The following SHISA9 variants were observed in gnomAD, a reference collection of about 807,000 sequenced individuals.
SHISA9 encodes shisa family member 9.
In SHISA9, 13 loss-of-function variants were observed where a neutral mutation model predicts 38.0. That is an observed-to-expected ratio of 0.34 (90% CI 0.22 to 0.54). The LOEUF (loss-of-function observed/expected upper bound fraction) is 0.54, where lower values mean the gene tolerates loss of function less well. Ranked by LOEUF, SHISA9 falls within the 20% of genes least tolerant of loss-of-function variation. The pLI, the probability that SHISA9 is intolerant of heterozygous loss-of-function variation, is 0.91. For synonymous variants in SHISA9, 275 were observed against 242.0 expected, an observed-to-expected ratio of 1.14 and a Z score of -1.27; for missense variants, 538 against 575.8, an observed-to-expected ratio of 0.93 and a Z score of 0.67.
At chr16:13,373,453 T>A in the SHISA9 span, among the ~76,000 whole-genome samples, 1 of 152,192 alleles carries the variant, frequency 6.6e-6, no homozygotes, top group Non-Finnish European at 1.5e-5. Context: ...GAGCCTTGGC[T>A]CGCTCATCCG....
At chr16:12,905,818 C>G (rs2071085349) in intron 1 of SHISA9, among the ~76,000 whole-genome samples, 1 of 152,070 alleles carries the variant, frequency 6.6e-6, no homozygotes, top group Non-Finnish European at 1.5e-5. Context: ...CCAGGCTGGT[C>G]TCGAACTCCT....
chr16:13,012,863 G>A (rs1251824678), intron 2 of SHISA9, among the ~76,000 whole-genome samples: 1 of 152,196 alleles, frequency 6.6e-6, no homozygotes, highest in Non-Finnish European at 1.5e-5. Flanking sequence ...AGACAGGGAG[G>A]AGAGACAACT....
chr16:12,925,197 A>G (rs2071378115), intron 2 of SHISA9, among the ~76,000 whole-genome samples: 3 of 151,978 alleles, frequency 2.0e-5, no homozygotes, highest in Admixed American at 2.0e-4. Context: ...CTAATGTTTC[A>G]ATGCAGATGA....
chr16:12,966,447 G>T (rs1392825935), intron 2 of SHISA9, among the ~76,000 whole-genome samples: 2 of 152,098 alleles, frequency 1.3e-5, no homozygotes, highest in Admixed American at 6.6e-5. Context: ...TAGAGACAGG[G>T]TCTCACCATG....
the SHISA9 span, among the ~76,000 whole-genome samples, chr16:13,452,405 G>A: frequency 9.2e-5 from 14 of 151,964 alleles, no homozygotes; most frequent in African/African-American, 1.9e-4. Context: ...TTGTTGCCAC[G>A]GTCCATATAC....
At chr16:13,196,396 CAAA>C (rs372256944) in intron 2 of SHISA9, among the ~76,000 whole-genome samples, 10 of 101,410 alleles carry the variant, frequency 9.9e-5, no homozygotes, top group Admixed American at 4.3e-4. Context: ...GACTCCGTCT[CAAA>C]AAAAAAAAAA....
the SHISA9 span, among the ~76,000 whole-genome samples, chr16:13,470,279 G>A: frequency 6.6e-6 from 1 of 152,252 alleles, no homozygotes; most frequent in South Asian, 2.1e-4. Context: ...TGCAATCCAA[G>A]GTAGAGAAAC....
the SHISA9 span, among the ~76,000 whole-genome samples, chr16:13,273,617 C>T: frequency 6.6e-6 from 1 of 152,144 alleles, no homozygotes; most frequent in Non-Finnish European, 1.5e-5. Context: ...GAAAATTGCC[C>T]AGTATTGGGT....
chr16:13,222,755 T>C (rs1381672000), intron 4 of SHISA9, among the ~76,000 whole-genome samples: 1 of 151,844 alleles, frequency 6.6e-6, no homozygotes, highest in Non-Finnish European at 1.5e-5. Context: ...CTTGTCTCGT[T>C]TACTTCTACA....
intron 2 of SHISA9, among the ~76,000 whole-genome samples, chr16:12,941,210 C>G (rs1032304909): frequency 6.6e-6 from 1 of 151,916 alleles, no homozygotes; most frequent in Non-Finnish European, 1.5e-5. Flanking sequence ...GAAAATTATC[C>G]AGGTGTGGTG....
the SHISA9 span, among the ~76,000 whole-genome samples, chr16:13,289,408 A>G: frequency 6.6e-6 from 1 of 151,986 alleles, no homozygotes; most frequent in African/African-American, 2.4e-5. Flanking sequence ...TGCTGATGGG[A>G]AAGTTGATTG....
chr16:13,182,180 T>C (rs2050784557), intron 2 of SHISA9, among the ~76,000 whole-genome samples: 1 of 152,226 alleles, frequency 6.6e-6, no homozygotes, highest in African/African-American at 2.4e-5. Context: ...CTTTGTGGGT[T>C]CATTTTTGCC....
intron 2 of SHISA9, among the ~76,000 whole-genome samples, chr16:12,932,199 G>A (rs1172430200): frequency 6.6e-6 from 1 of 152,162 alleles, no homozygotes; most frequent in Admixed American, 6.6e-5. Flanking sequence ...TCTCAGGTAT[G>A]TCTTTATTAG....
chr16:12,927,961 A>G (rs536175437), intron 2 of SHISA9, among the ~76,000 whole-genome samples: 6 of 152,358 alleles, frequency 3.9e-5, no homozygotes, highest in African/African-American at 1.4e-4. Context: ...GGAGACCAGC[A>G]TAGTGTGCTG....
At chr16:13,502,429 G>A in the SHISA9 span, among the ~76,000 whole-genome samples, 683 of 152,296 alleles carry the variant, frequency 4.5e-3, 2 homozygotes, top group Non-Finnish European at 7.5e-3. Context: ...CCTATTAACA[G>A]AGGCTGGAAT....
At chr16:13,295,612 G>T in the SHISA9 span, among the ~76,000 whole-genome samples, 3 of 152,230 alleles carry the variant, frequency 2.0e-5, no homozygotes, top group Non-Finnish European at 2.9e-5. Flanking sequence ...GGCCAGCTGG[G>T]GTCTTTTCAC....
At chr16:12,997,525 G>A (rs1461522487) in intron 2 of SHISA9, among the ~76,000 whole-genome samples, 1 of 151,072 alleles carries the variant, frequency 6.6e-6, no homozygotes, top group African/African-American at 2.4e-5. Flanking sequence ...TCCCACCTTA[G>A]CCTCGCCAGT....
intron 2 of SHISA9, among the ~76,000 whole-genome samples, chr16:13,069,151 G>A (rs535412866): frequency 0.02 from 3,082 of 151,642 alleles, 105 homozygotes; most frequent in African/African-American, 0.07. Context: ...ACATATGCAT[G>A]TATGTGTATA....
chr16:13,499,006 G>A, the SHISA9 span, among the ~76,000 whole-genome samples: 1 of 152,160 alleles, frequency 6.6e-6, no homozygotes, highest in African/African-American at 2.4e-5. Flanking sequence ...CAGACATAAG[G>A]TGAGAGGTCT....
Sources: gnomAD v4.1 joint callset for allele counts (sites outside exome capture counted in the v4.1 genomes callset) on GRCh38, gnomAD v4.1.1 for gene constraint, MANE v1.5 for transcripts, NCBI Gene and HGNC (gene_info 2026-07-23, HGNC 2026-07-21) for gene names.